The following GRID2 variants were observed in gnomAD, a reference collection of about 807,000 sequenced individuals.
GRID2 encodes glutamate receptor ionotropic, delta-2.
In GRID2, 33 loss-of-function variants were observed where a neutral mutation model predicts 114.8. The observed-to-expected ratio is 0.29, with a 90% CI of 0.22 to 0.38. GRID2 has a LOEUF of 0.38. Ranked by LOEUF, GRID2 falls within the 10% of genes least tolerant of loss-of-function variation. GRID2 has a pLI of 1.00. For missense variants in GRID2, 1,184 were observed against 1,257.7 expected (o/e 0.94, Z 0.89); for synonymous variants, 505 against 449.9 (o/e 1.12, Z -1.55).
chr4:92,928,963 C>A (rs951387816), intron 2 of GRID2, among the ~76,000 whole-genome samples: 3 of 151,356 alleles, frequency 2.0e-5, no homozygotes, highest in Non-Finnish European at 3.0e-5. Flanking sequence ...TCCACCCCAC[C>A]CCCAAATGAA....
rs192792105 is a variant in GRID2 at position 92,350,637 on chromosome 4, T to A, written c.88+45893T>A. Among the ~76,000 whole-genome samples the A allele has an allele frequency of 4.1e-3, 627 of 151,940 alleles. 5 individuals carry two copies. Among genetic ancestry groups the A allele is most frequent in the African/African-American group, 0.014 (582 of 41,528 alleles). ...CTTCTATCTTTCTTAAAGCATAATA[T>A]GTTGTGATAAAAATTACATTTTCTT... On this transcript the variant is annotated intron_variant, in intron 1 of 15. Coordinates refer to ENST00000282020, the MANE Select transcript of GRID2 (RefSeq NM_001510.4).
chr4:92,957,755 A>G (rs563621941), intron 2 of GRID2, among the ~76,000 whole-genome samples: 14 of 152,220 alleles, frequency 9.2e-5, no homozygotes, highest in Admixed American at 5.9e-4. Flanking sequence ...GAATTGACAT[A>G]TTGAAAATAT....
chr4:92,782,428 C>T (rs1048336528), intron 2 of GRID2, among the ~76,000 whole-genome samples: 3 of 152,072 alleles, frequency 2.0e-5, no homozygotes, highest in Admixed American at 6.6e-5. Context: ...ACTTACCTAT[C>T]CATGTGTTTC....
At chr4:92,766,505 A>G (rs1224983709) in intron 2 of GRID2, among the ~76,000 whole-genome samples, 3 of 147,952 alleles carry the variant, frequency 2.0e-5, no homozygotes, top group Non-Finnish European at 3.0e-5. Flanking sequence ...CCACTGCACT[A>G]CAGCTTGGGC....
intron 2 of GRID2, among the ~76,000 whole-genome samples, chr4:92,870,978 TAAAA>T (rs1306426094): frequency 6.6e-6 from 1 of 152,168 alleles, no homozygotes; most frequent in African/African-American, 2.4e-5. Context: ...AAGTGCTAAA[TAAAA>T]AATTCTTCTA....
At position 93,246,155 on chromosome 4, in the gene GRID2, T is replaced by C. The variant is rs79626770; in HGVS notation, c.1245+7665T>C. 9.2e-3 allele frequency among the ~76,000 whole-genome samples: 1,395 copies of C among 152,340 alleles called. 22 individuals carry two copies. Among genetic ancestry groups the C allele is most frequent in the African/African-American group, 0.032 (1,323 of 41,568 alleles). The stretch of plus-strand genomic sequence containing the variant: ...GGAAATCTAATAACAGAAAATCTGA[T>C]GGTAAACATAGCCTGCATAAACCCA... On this transcript the variant is annotated intron_variant, in intron 8 of 15. Coordinates refer to ENST00000282020, the MANE Select transcript of GRID2 (RefSeq NM_001510.4).
intron 2 of GRID2, among the ~76,000 whole-genome samples, chr4:92,854,503 A>G (rs1181173080): frequency 1.3e-5 from 2 of 151,618 alleles, no homozygotes; most frequent in Non-Finnish European, 1.5e-5. Flanking sequence ...CATGTTTCGA[A>G]CACTGCAATT....
chr4:93,694,346 G>A (rs547971613), intron 14 of GRID2, among the ~76,000 whole-genome samples: 1 of 152,018 alleles, frequency 6.6e-6, no homozygotes, highest in African/African-American at 2.4e-5. Context: ...TATTATCAAG[G>A]TCTCATTTAG....
intron 4 of GRID2, among the ~76,000 whole-genome samples, chr4:93,119,896 G>A (rs1733621421): frequency 6.6e-6 from 1 of 152,026 alleles, no homozygotes; most frequent in African/African-American, 2.4e-5. Context: ...CTTTTTGATG[G>A]GGTTGTTTTT....
At chr4:93,113,234 T>A (rs1382110700) in intron 4 of GRID2, among the ~76,000 whole-genome samples, 1 of 152,142 alleles carries the variant, frequency 6.6e-6, no homozygotes, top group Non-Finnish European at 1.5e-5. Flanking sequence ...AACACCTTTT[T>A]AAAAAATGAA....
chr4:93,497,771 A>G (rs1250633073), intron 12 of GRID2, among the ~76,000 whole-genome samples: 4 of 151,780 alleles, frequency 2.6e-5, no homozygotes, highest in Non-Finnish European at 5.9e-5. Flanking sequence ...GAGTAGAGTG[A>G]TTCTTCCCAC....
At chr4:93,764,822 G>T (rs1733506263) in intron 14 of GRID2, among the ~76,000 whole-genome samples, 1 of 152,060 alleles carries the variant, frequency 6.6e-6, no homozygotes, top group African/African-American at 2.4e-5. Flanking sequence ...AGCAAATACT[G>T]CCATCTTGTG....
intron 2 of GRID2, among the ~76,000 whole-genome samples, chr4:92,851,628 T>A (rs932816291): frequency 6.6e-6 from 1 of 152,002 alleles, no homozygotes; most frequent in Admixed American, 6.6e-5. Flanking sequence ...TTAGTATATC[T>A]AAATTTCAGT....
intron 13 of GRID2, among the ~76,000 whole-genome samples, chr4:93,521,240 A>G (rs963916405): frequency 6.6e-5 from 10 of 152,286 alleles, no homozygotes; most frequent in African/African-American, 2.4e-4. Flanking sequence ...ATGGTAGTTA[A>G]TATGAAATGC....
At position 93,233,340 on chromosome 4, in the gene GRID2, T is replaced by TA. The variant is rs1561020154; in HGVS notation, c.1126-5031_1126-5030insA. On this transcript the variant is annotated intron_variant, in intron 7 of 15. Transcript: ENST00000282020. ...TTATTATTATTATTATTATTATTTT[T>TA]TTTTTTATTTTTTATTTTTTGAGAT... Among the ~76,000 whole-genome samples, 26 of 150,878 alleles carry TA rather than the reference T, an allele frequency of 1.7e-4. No individual in the cohort carries two copies. In the Middle Eastern group the frequency reaches 0.01, roughly 60 times the overall value.
chr4:93,584,588 G>A (rs527812864), intron 13 of GRID2, among the ~76,000 whole-genome samples: 1 of 151,970 alleles, frequency 6.6e-6, no homozygotes, highest in East Asian at 1.9e-4. Context: ...AAAAGTATGA[G>A]TCAAAGAATA....
At chr4:93,448,439 TGGGA>T (rs1722298942) in intron 10 of GRID2, among the ~76,000 whole-genome samples, 2 of 151,936 alleles carry the variant, frequency 1.3e-5, no homozygotes, top group South Asian at 4.1e-4. Flanking sequence ...GATACATTTT[TGGGA>T]TATGGATCAA....
At chr4:93,536,016 A>G (rs559822487) in intron 13 of GRID2, among the ~76,000 whole-genome samples, 9 of 152,124 alleles carry the variant, frequency 5.9e-5, no homozygotes, top group South Asian at 2.1e-4. Flanking sequence ...TAACATATCT[A>G]TACAAAGAAT....
At chr4:92,473,753 TGAGA>T (rs1215384675) in intron 1 of GRID2, among the ~76,000 whole-genome samples, 1 of 152,108 alleles carries the variant, frequency 6.6e-6, no homozygotes, top group Non-Finnish European at 1.5e-5. Context: ...CAAGTCTTAC[TGAGA>T]GAGACAGTTG....
Sources: gnomAD v4.1 joint callset for allele counts (sites outside exome capture counted in the v4.1 genomes callset) on GRCh38, gnomAD v4.1.1 for gene constraint, MANE v1.5 for transcripts, NCBI Gene and HGNC (gene_info 2026-07-23, HGNC 2026-07-21) for gene names.